Variants in NUCKS1 observed in about 807,000 individuals in gnomAD.
NUCKS1 encodes the protein nuclear casein kinase and cyclin dependent kinase substrate 1, also known as nuclear ubiquitous casein and cyclin-dependent kinase substrate 1.
In NUCKS1, 2 loss-of-function variants were observed where a neutral mutation model predicts 33.0. The ratio of observed to expected loss-of-function variants is 0.06; its 90% CI spans 0.02 to 0.19. The LOEUF (loss-of-function observed/expected upper bound fraction) is 0.19, where lower values mean the gene tolerates loss of function less well. NUCKS1 is among the 10% of genes least tolerant of loss of function. The pLI, the probability that NUCKS1 is intolerant of heterozygous loss-of-function variation, is 1.00. For missense variants in NUCKS1, 201 were observed against 293.6 expected, an observed-to-expected ratio of 0.68 and a Z score of 2.31; for synonymous variants, 106 against 102.8, an observed-to-expected ratio of 1.03 and a Z score of -0.19.
intron 4 of NUCKS1, among the ~76,000 whole-genome samples, chr1:205,722,063 C>T (rs1671927555): frequency 6.6e-6 from 1 of 151,638 alleles, no homozygotes; most frequent in East Asian, 1.9e-4. Flanking sequence ...TTCTTAGAGT[C>T]TATTAATGAA....
chr1:205,741,381 TA>T (rs1277090622), intron 1 of NUCKS1, among the ~76,000 whole-genome samples: 1 of 151,286 alleles, frequency 6.6e-6, no homozygotes, highest in African/African-American at 2.4e-5. Context: ...AAGTATTTGA[TA>T]AATAAAGTCA....
Position 205,750,015 on chromosome 1 carries a change from A to AGGGCGGGGGGGGGGGGG in NUCKS1, c.-43_-42insCCCCCCCCCCCCCGCCC. On this transcript the variant is annotated 5_prime_UTR_variant, in exon 1 of 7. Coordinates refer to ENST00000367142, the MANE Select transcript of NUCKS1 (RefSeq NM_022731.5). The stretch of plus-strand genomic sequence containing the variant: ...GGACCGAGTCGAGAAGCCAAAGACC[A>AGGGCGGGGGGGGGGGGG]GGACCCCCCCCACCCCGCGCGCTCG... 1 of 1,506,284 alleles carries AGGGCGGGGGGGGGGGGG rather than the reference A, an allele frequency of 6.6e-7. No individual in the cohort carries two copies. Among genetic ancestry groups the AGGGCGGGGGGGGGGGGG allele is most frequent in the Non-Finnish European group, 9.0e-7 (1 of 1,114,428 alleles). 93.3% of individuals were successfully genotyped at this position (1,506,284 alleles called of 1,614,324 possible).
Position 205,716,593 on chromosome 1 carries a change from G to A in NUCKS1, c.*1687C>T, listed in dbSNP as rs896991795. On this transcript the variant is annotated 3_prime_UTR_variant, in exon 7 of 7. Coordinates refer to ENST00000367142, the MANE Select transcript of NUCKS1 (RefSeq NM_022731.5). ...CACAGTGCAATAGTGAAATGACTCT[G>A]CCACTGTGTGTTTTTTAAAAAAAGA... is the stretch of plus-strand genomic sequence containing the variant. 8 of 152,100 alleles carry A rather than the reference G, an allele frequency of 5.3e-5. No homozygotes were observed. Among genetic ancestry groups the A allele is most frequent in the Non-Finnish European group, 1.2e-4 (8 of 68,006 alleles). The allele number at this position is 152,100 out of a possible 1,614,324, so 9.4% of individuals were successfully genotyped here. A position where few individuals can be genotyped will look rare whatever the true frequency, so the allele number is the denominator to read the frequency against.
intron 4 of NUCKS1, among the ~76,000 whole-genome samples, chr1:205,722,944 G>A (rs1452736210): frequency 1.3e-5 from 2 of 152,150 alleles, no homozygotes; most frequent in African/African-American, 4.8e-5. Context: ...AACCCACTTG[G>A]TAGAAGCTTA....
At chr1:205,721,584 T>C (rs1671917701) in intron 4 of NUCKS1, among the ~76,000 whole-genome samples, 1 of 152,008 alleles carries the variant, frequency 6.6e-6, no homozygotes, top group Non-Finnish European at 1.5e-5. Context: ...TTCTAAGACA[T>C]AAAACACGAA....
intron 4 of NUCKS1, among the ~76,000 whole-genome samples, chr1:205,723,467 G>C (rs947543526): frequency 1.5e-4 from 23 of 151,942 alleles, no homozygotes; most frequent in Admixed American, 9.8e-4. Context: ...GTTACAAAAG[G>C]CTATGTCTCC....
At position 205,714,846 on chromosome 1, in the gene NUCKS1, C is replaced by T. The variant is rs1004407759; in HGVS notation, c.*3434G>A. On this transcript the variant is annotated 3_prime_UTR_variant, in exon 7 of 7. Coordinates refer to ENST00000367142, the MANE Select transcript of NUCKS1 (RefSeq NM_022731.5). ...CAAATTCTTAAGGTGAAAGTTTTTT[C>T]CTTTCAGTGCAGCTACCAATGATGC... 1.7e-4 allele frequency: 26 copies of T among 152,118 alleles called. No individual in the cohort carries two copies. The highest frequency in any genetic ancestry group is 5.2e-4 in the Admixed American group (8 of 15,272). The allele number at this position is 152,118 out of a possible 1,614,324, so 9.4% of individuals were successfully genotyped here. A position where few individuals can be genotyped will look rare whatever the true frequency, so the allele number is the denominator to read the frequency against.
chr1:205,718,399 GAGA>G lies in NUCKS1; in HGVS notation c.610_612del (p.Ser204del), dbSNP rs747731454. 36 of 1,613,188 alleles carry G rather than the reference GAGA, an allele frequency of 2.2e-5. No individual in the cohort carries two copies. Among genetic ancestry groups the G allele is most frequent in the African/African-American group, 4.0e-5 (3 of 74,786 alleles). ...TCCGGTTCCTCATCTTCTTCTTTGG[GAGA>G]AGGAGTCTTTTCCTTTGATGCCTTT... On this transcript the variant is annotated inframe_deletion, in exon 7 of 7. Coordinates refer to ENST00000367142, the MANE Select transcript of NUCKS1 (RefSeq NM_022731.5).
intron 1 of NUCKS1, among the ~76,000 whole-genome samples, chr1:205,742,814 G>A (rs1246838319): frequency 6.6e-6 from 1 of 151,962 alleles, no homozygotes; most frequent in Non-Finnish European, 1.5e-5. Context: ...GACAGAGCGA[G>A]ACTCGGTCTC....
intron 5 of NUCKS1, among the ~76,000 whole-genome samples, chr1:205,720,235 T>G (rs1224270280): frequency 1.3e-5 from 2 of 152,336 alleles, no homozygotes; most frequent in East Asian, 3.9e-4. Flanking sequence ...TGACTGTTAC[T>G]TAAGCAAATT....
At chr1:205,737,961 T>C (rs1654069520) in intron 1 of NUCKS1, among the ~76,000 whole-genome samples, 1 of 152,242 alleles carries the variant, frequency 6.6e-6, no homozygotes, top group African/African-American at 2.4e-5. Context: ...TGTGAAAAGC[T>C]TTGAAAGTTC....
chr1:205,725,678 C>A (rs1271011195), intron 3 of NUCKS1, among the ~76,000 whole-genome samples: 5 of 152,040 alleles, frequency 3.3e-5, no homozygotes, highest in African/African-American at 1.2e-4. Context: ...ATCAACAGAG[C>A]ACTGGTCTGA....
chr1:205,725,915 G>C (rs1330291344), intron 3 of NUCKS1, among the ~76,000 whole-genome samples: 1 of 152,152 alleles, frequency 6.6e-6, no homozygotes. Flanking sequence ...ATCTAAAACT[G>C]TTTGGCCCGG....
At chr1:205,741,700 T>C (rs2102446605) in intron 1 of NUCKS1, among the ~76,000 whole-genome samples, 1 of 152,268 alleles carries the variant, frequency 6.6e-6, no homozygotes, top group Non-Finnish European at 1.5e-5. Context: ...CTAAGATAAA[T>C]GAAGCAGTAT....
At chr1:205,720,711 A>C in intron 4 of NUCKS1, 58 bp from the exon 5 acceptor site, 1 of 1,481,320 alleles carries the variant, frequency 6.8e-7, no homozygotes, top group Admixed American at 2.0e-5. Flanking sequence ...TTGACAAGAT[A>C]GTGCAAAAGA....
At chr1:205,732,123 C>T (rs1653929625) in intron 1 of NUCKS1, among the ~76,000 whole-genome samples, 1 of 152,156 alleles carries the variant, frequency 6.6e-6, no homozygotes, top group African/African-American at 2.4e-5. Context: ...TATATAGTTA[C>T]ATACTCAGCA....
At chr1:205,735,965 A>G (rs1217240927) in intron 1 of NUCKS1, among the ~76,000 whole-genome samples, 3 of 150,170 alleles carry the variant, frequency 2.0e-5, no homozygotes, top group Non-Finnish European at 4.4e-5. Context: ...TTTTTTGGAG[A>G]CAGGGTCTGC....
Position 205,750,107 on chromosome 1 carries a change from T to A in NUCKS1, c.-134A>T. On this transcript the variant is annotated 5_prime_UTR_variant, in exon 1 of 7. Coordinates refer to ENST00000367142, the MANE Select transcript of NUCKS1 (RefSeq NM_022731.5). The stretch of plus-strand genomic sequence containing the variant: ...TGCCGAACCCCGAGCTGCTGGCTTC[T>A]CAAACTCCGCTGCTCTTTGGTTCAG... The A allele has an allele frequency of 1.2e-6, 1 of 834,988 alleles. No individual in the cohort carries two copies. 51.7% of individuals were successfully genotyped at this position (834,988 alleles called of 1,614,324 possible).
intron 1 of NUCKS1, among the ~76,000 whole-genome samples, chr1:205,746,434 AC>A (rs1654327260): frequency 1.5e-5 from 1 of 67,724 alleles, no homozygotes; most frequent in African/African-American, 4.5e-5. Context: ...TAATAAACTC[AC>A]TTCTCTCTCT....
Sources: allele counts gnomAD v4.1 joint callset (sites outside exome capture counted in the v4.1 genomes callset), GRCh38; gene constraint gnomAD v4.1.1; transcripts MANE v1.5; gene names NCBI Gene and HGNC (gene_info 2026-07-23, HGNC 2026-07-21).